Variants in IRAK2 observed in about 807,000 individuals in gnomAD.
The protein encoded by IRAK2 is interleukin 1 receptor associated kinase 2.
Under a neutral mutation model 72.0 loss-of-function variants are expected in IRAK2, and 57 were observed. The ratio of observed to expected loss-of-function variants is 0.79; its 90% CI spans 0.64 to 0.99. The LOEUF (loss-of-function observed/expected upper bound fraction) is 0.99. Among genes scored for constraint, IRAK2 ranks in the 50% least tolerant of loss-of-function variants. The pLI is 0.00. For missense variants in IRAK2, 790 were observed against 794.4 expected (o/e 0.99, Z 0.07); for synonymous variants, 293 against 312.7 (o/e 0.94, Z 0.67).
intron 2 of IRAK2, among the ~76,000 whole-genome samples, chr3:10,194,664 A>G (rs1697236705): frequency 6.6e-6 from 1 of 151,934 alleles, no homozygotes; most frequent in Admixed American, 6.6e-5. Context: ...GACAGAGGCC[A>G]TTTTCTCCAT....
At chr3:10,215,649 G>T (rs1697593480) in intron 6 of IRAK2, among the ~76,000 whole-genome samples, 1 of 151,982 alleles carries the variant, frequency 6.6e-6, no homozygotes, top group Non-Finnish European at 1.5e-5. Context: ...GCCTCCAAAA[G>T]TGTTGGGATT....
At chr3:10,213,569 G>A in intron 6 of IRAK2, 21 bp downstream of exon 6, 1 of 1,589,434 alleles carries the variant, frequency 6.3e-7, no homozygotes, top group South Asian at 1.1e-5. Flanking sequence ...CCTTTGTTTA[G>A]TAATAATGAT....
In IRAK2 at chr3:10,238,937, C is replaced by T; in HGVS notation, c.1663C>T (p.Leu555Phe). 6.2e-7 allele frequency: 1 copy of T among 1,614,088 alleles called. No homozygotes were observed. The highest frequency in any genetic ancestry group is 8.5e-7 in the Non-Finnish European group (1 of 1,179,960). Residue 555 changes from leucine (L) to phenylalanine (F), a missense_variant, in exon 12 of 13, where the codon CTT (leucine) becomes TTT (phenylalanine). Physicochemically the swap from Leu to Phe is conservative, Grantham distance 22. Coordinates refer to ENST00000256458, the MANE Select transcript of IRAK2 (RefSeq NM_001570.4). ...ACCCTGGGCAGGGGCTGCCACCCCA[C>T]TTCTCCCCACAGAGAATGGGGAAGG... is the stretch of plus-strand genomic sequence containing the variant. ...VAPWAGAATP[L>F]LPTENGEGRL...
intron 1 of IRAK2, 138 bp downstream of exon 1, chr3:10,165,186 G>C (rs1696661557): frequency 4.3e-6 from 3 of 690,684 alleles, no homozygotes; most frequent in South Asian, 3.7e-5. Flanking sequence ...GAGCCTCCTG[G>C]ACCGGGTCCG....
At chr3:10,182,006 C>T (rs1696967424) in intron 2 of IRAK2, among the ~76,000 whole-genome samples, 1 of 139,956 alleles carries the variant, frequency 7.1e-6, no homozygotes, top group Non-Finnish European at 1.5e-5. Flanking sequence ...CTTGCTCTGT[C>T]ACCCAGGCTG....
At chr3:10,232,576 C>A (rs1697877379) in intron 10 of IRAK2, among the ~76,000 whole-genome samples, 1 of 152,148 alleles carries the variant, frequency 6.6e-6, no homozygotes, top group Non-Finnish European at 1.5e-5. Flanking sequence ...AGTCCCCCAA[C>A]CCCTGTTTAA....
chr3:10,218,443 A>C (rs112997088), intron 7 of IRAK2, among the ~76,000 whole-genome samples: 45,730 of 130,696 alleles, frequency 0.35, 8,744 homozygotes, highest in Non-Finnish European at 0.4. Flanking sequence ...AAAAAAAAAA[A>C]AACCAAAACG....
intron 4 of IRAK2, among the ~76,000 whole-genome samples, chr3:10,211,554 G>A (rs2125155316): frequency 6.6e-6 from 1 of 152,270 alleles, no homozygotes; most frequent in African/African-American, 2.4e-5. Context: ...GGGAGGTTGA[G>A]GCTGCGGTGA....
At chr3:10,214,227 CTTTT>C (rs576627160) in intron 6 of IRAK2, among the ~76,000 whole-genome samples, 1 of 151,454 alleles carries the variant, frequency 6.6e-6, no homozygotes, top group East Asian at 1.9e-4. Context: ...CCGTGCCTGA[CTTTT>C]TTTTCTTTTT....
chr3:10,208,703 C>T (rs1385166171), intron 3 of IRAK2, among the ~76,000 whole-genome samples: 2 of 151,350 alleles, frequency 1.3e-5, no homozygotes, highest in East Asian at 3.9e-4. Context: ...GCGGAGCTTG[C>T]AGTGAGCCGA....
At chr3:10,185,558 CAA>C (rs770606601) in intron 2 of IRAK2, among the ~76,000 whole-genome samples, 7 of 70,110 alleles carry the variant, frequency 1.0e-4, no homozygotes, top group African/African-American at 6.2e-5. Flanking sequence ...AACTCCGTCT[CAA>C]AAAAAAAAAA....
chr3:10,184,038 G>T (rs371684153), intron 2 of IRAK2, among the ~76,000 whole-genome samples: 10 of 152,302 alleles, frequency 6.6e-5, no homozygotes, highest in African/African-American at 1.9e-4. Context: ...TGTTCTGCCA[G>T]TGTGGACACA....
intron 9 of IRAK2, among the ~76,000 whole-genome samples, chr3:10,224,439 G>A (rs991881375): frequency 2.0e-5 from 3 of 151,828 alleles, no homozygotes; most frequent in African/African-American, 7.3e-5. Context: ...TCTGTCTCTG[G>A]GCCTCAGTTA....
chr3:10,209,482 GTGTT>G (rs1400085202), intron 3 of IRAK2, 103 bp from the exon 4 acceptor site: 2 of 618,656 alleles, frequency 3.2e-6, no homozygotes, highest in Admixed American at 3.1e-5. Flanking sequence ...GCAGCAACAA[GTGTT>G]TGGGGAGTGA....
chr3:10,212,663 G>C (rs906076297), intron 4 of IRAK2, among the ~76,000 whole-genome samples: 2 of 151,938 alleles, frequency 1.3e-5, no homozygotes, highest in Admixed American at 1.3e-4. Context: ...CATTTTTGCT[G>C]ATGGAAAAAA....
chr3:10,179,957 C>G (rs1696936579), intron 2 of IRAK2, among the ~76,000 whole-genome samples: 2 of 152,174 alleles, frequency 1.3e-5, no homozygotes, highest in Non-Finnish European at 2.9e-5. Context: ...GGATGGCTTT[C>G]TATTATAGTA....
At chr3:10,240,577 GA>G (rs1698042035) in intron 12 of IRAK2, among the ~76,000 whole-genome samples, 1 of 36,584 alleles carries the variant, frequency 2.7e-5, no homozygotes, top group Non-Finnish European at 4.5e-5. Flanking sequence ...TTTTTGTTTT[GA>G]GACAGTGTTT....
At chr3:10,220,985 A>T (rs536745124) in intron 8 of IRAK2, among the ~76,000 whole-genome samples, 20 of 152,142 alleles carry the variant, frequency 1.3e-4, no homozygotes, top group African/African-American at 4.8e-4. Flanking sequence ...GTATACCGTC[A>T]TGTTTTTTAG....
rs547963795 is a variant in IRAK2 at position 10,191,538 on chromosome 3, A to T, written c.278-8831A>T. On this transcript the variant is annotated intron_variant, in intron 2 of 12. Transcript: ENST00000256458. ...ACTTTCCCCCTCAGTCATTCCCCTCAGCCACTACGGTCATCCTTCACTTGC... is the reference window on the plus strand; with the variant it reads ...ACTTTCCCCCTCAGTCATTCCCCTCTGCCACTACGGTCATCCTTCACTTGC... 2.0e-5 allele frequency among the ~76,000 whole-genome samples: 3 copies of T among 152,220 alleles called. No homozygotes were observed. The East Asian group carries it at 5.8e-4, about 29-fold the overall frequency.
Sources: allele counts gnomAD v4.1 joint callset (sites outside exome capture counted in the v4.1 genomes callset), GRCh38; gene constraint gnomAD v4.1.1; transcripts MANE v1.5; gene names NCBI Gene and HGNC (gene_info 2026-07-23, HGNC 2026-07-21).